Variants in FAM91A1 observed in about 807,000 individuals in gnomAD.
FAM91A1 encodes the protein protein FAM91A1.
In FAM91A1, 41 loss-of-function variants were observed where a neutral mutation model predicts 113.5. The observed-to-expected ratio is 0.36, with a 90% CI of 0.28 to 0.47. FAM91A1 has a LOEUF of 0.47. Among genes scored for constraint, FAM91A1 ranks in the 20% least tolerant of loss-of-function variants. The pLI is 1.00. For missense variants in FAM91A1, 696 were observed against 1,001.2 expected, an observed-to-expected ratio of 0.70 and a Z score of 4.11; for synonymous variants, 307 against 347.9, an observed-to-expected ratio of 0.88 and a Z score of 1.31.
At position 123,793,493 on chromosome 8, in the gene FAM91A1, A is replaced by G. The variant is rs115876967; in HGVS notation, c.1411+3748A>G. 3.8e-3 allele frequency among the ~76,000 whole-genome samples: 584 copies of G among 152,292 alleles called. 5 individuals carry two copies. Among genetic ancestry groups the G allele is most frequent in the Middle Eastern group, 0.034 (10 of 294 alleles). ...ATTCTTATCTTTTCAGTAGTCTGCG[A>G]TTAGTCATTATTGTCTCTCAATTAT... On this transcript the variant is annotated intron_variant, in intron 15 of 23. Coordinates refer to ENST00000334705, the MANE Select transcript of FAM91A1 (RefSeq NM_144963.4).
Position 123,798,231 on chromosome 8 carries a change from C to T in FAM91A1, c.1553C>T (p.Thr518Ile), listed in dbSNP as rs867072953. The stretch of plus-strand genomic sequence containing the variant: ...GAAATCCGGCCTGTCAGCAGCTGCA[C>T]CCCTCAGGTAAAGACCTACTTGGAA... ...TNEIRPVSSCTPQHIGPAIPE... is the reference protein window; with the variant it reads ...TNEIRPVSSCIPQHIGPAIPE... The change falls in exon 16 of 24, where the codon ACC (threonine) becomes ATC (isoleucine). Residue 518 changes from threonine (T) to isoleucine (I), a missense_variant. Transcript: ENST00000334705. 2 of 1,613,792 alleles carry T rather than the reference C, an allele frequency of 1.2e-6. No homozygotes were observed. Among genetic ancestry groups the T allele is most frequent in the Non-Finnish European group, 1.7e-6 (2 of 1,179,868 alleles).
chr8:123,805,486 G>GT (rs1464049357), intron 19 of FAM91A1, 147 bp downstream of exon 19: 1 of 668,096 alleles, frequency 1.5e-6, no homozygotes, highest in Non-Finnish European at 2.5e-6. Context: ...GCAAAAGGTA[G>GT]TTTTTTGTCA....
At chr8:123,778,884 G>T (rs1332072568) in intron 6 of FAM91A1, 112 bp downstream of exon 6, 1 of 724,646 alleles carries the variant, frequency 1.4e-6, no homozygotes, top group African/African-American at 1.9e-5. Context: ...TGAAGAAAAG[G>T]AAACTTAAAT....
Position 123,775,159 on chromosome 8 carries a change from A to G in FAM91A1, c.170A>G (p.Lys57Arg). Residue 57 changes from lysine (K) to arginine (R), a missense_variant, in exon 3 of 24, where the codon AAG becomes AGG. Transcript: ENST00000334705. ...CTCTTTTGTGCAGTTAAACATGTCA[A>G]GAAAGATGAACGCAGATACTATGAG... ...RYRNNLVKHV[K>R]KDERRYYEEL... 2 of 1,606,408 alleles carry G rather than the reference A, an allele frequency of 1.2e-6. No homozygotes were observed. Among genetic ancestry groups the G allele is most frequent in the East Asian group, 2.2e-5 (1 of 44,746 alleles).
chr8:123,785,045 A>G, intron 9 of FAM91A1, 36 bp from the exon 10 acceptor site: 1 of 1,509,852 alleles, frequency 6.6e-7, no homozygotes, highest in Non-Finnish European at 9.0e-7. Flanking sequence ...TGTTAATTCT[A>G]AGAATGTAAA....
intron 1 of FAM91A1, among the ~76,000 whole-genome samples, chr8:123,770,218 T>C (rs1480006022): frequency 2.0e-5 from 3 of 152,226 alleles, no homozygotes; most frequent in Non-Finnish European, 2.9e-5. Flanking sequence ...TCCAAAGTGC[T>C]GGGATTACAG....
At chr8:123,771,155 G>A (rs1415496022) in intron 1 of FAM91A1, among the ~76,000 whole-genome samples, 2 of 152,166 alleles carry the variant, frequency 1.3e-5, no homozygotes, top group African/African-American at 4.8e-5. Context: ...ATCTGTGGTG[G>A]TTGCCCCTAG....
chr8:123,804,119 G>A (rs927489793), intron 18 of FAM91A1, among the ~76,000 whole-genome samples: 1 of 152,138 alleles, frequency 6.6e-6, no homozygotes, highest in Non-Finnish European at 1.5e-5. Flanking sequence ...AGTGAAGTGG[G>A]TAGACTCAGA....
chr8:123,792,903 T>G (rs1266892243), intron 15 of FAM91A1, among the ~76,000 whole-genome samples: 1 of 152,188 alleles, frequency 6.6e-6, no homozygotes, highest in African/African-American at 2.4e-5. Flanking sequence ...TTTCTTTGCC[T>G]CATAAGCAGT....
chr8:123,802,328 T>G (rs1310362717), intron 18 of FAM91A1, among the ~76,000 whole-genome samples: 1 of 152,168 alleles, frequency 6.6e-6, no homozygotes, highest in Non-Finnish European at 1.5e-5. Flanking sequence ...TGATCAGATA[T>G]CTGAGAGAGA....
chr8:123,769,907 T>A (rs1046316188), intron 1 of FAM91A1, among the ~76,000 whole-genome samples: 55 of 152,270 alleles, frequency 3.6e-4, no homozygotes, highest in Admixed American at 1.3e-3. Context: ...TTTGGGAAGT[T>A]TGGAATGGTG....
At chr8:123,784,410 T>C in intron 8 of FAM91A1, 60 bp from the exon 9 acceptor site, 1 of 1,272,990 alleles carries the variant, frequency 7.9e-7, no homozygotes, top group South Asian at 1.4e-5. Context: ...ATATGTAAAT[T>C]ATACTTTCTT....
At chr8:123,788,258 C>T (rs567394895) in intron 14 of FAM91A1, 1 of 983,698 alleles carries the variant, frequency 1.0e-6, no homozygotes, top group East Asian at 1.1e-4. Flanking sequence ...GTGAGTACAG[C>T]CCTAGTTTTC....
intron 11 of FAM91A1, 28 bp from the exon 12 acceptor site, chr8:123,786,467 A>T: frequency 1.3e-6 from 2 of 1,495,524 alleles, no homozygotes; most frequent in Non-Finnish European, 1.9e-6. Context: ...TATGATTTTT[A>T]AAAAGCAAAT....
chr8:123,799,196 C>A (rs1169847549), intron 16 of FAM91A1, among the ~76,000 whole-genome samples: 1 of 152,140 alleles, frequency 6.6e-6, no homozygotes, highest in African/African-American at 2.4e-5. Flanking sequence ...GAGGTAGATT[C>A]TTTATTGCTA....
intron 9 of FAM91A1, 31 bp downstream of exon 9, chr8:123,784,607 A>G (rs1815206331): frequency 2.7e-6 from 4 of 1,478,816 alleles, no homozygotes; most frequent in African/African-American, 2.8e-5. Context: ...TGAAAATATA[A>G]TCTCAAGATT....
intron 8 of FAM91A1, among the ~76,000 whole-genome samples, chr8:123,782,511 A>AATAAATTTATT (rs2130073504): frequency 6.6e-6 from 1 of 152,330 alleles, no homozygotes; most frequent in Admixed American, 6.5e-5. Flanking sequence ...TCTATTATTA[A>AATAAATTTATT]ATAAATTTAT....
chr8:123,798,213 G>T lies in FAM91A1; in HGVS notation c.1535G>T (p.Arg512Leu). ...VSMAPLTNEI[R>L]PVSSCTPQHI... Reference sequence around the variant, plus strand: ...ATGGCTCCCCTCACCAATGAAATCCGGCCTGTCAGCAGCTGCACCCCTCAG... The same window carrying T: ...ATGGCTCCCCTCACCAATGAAATCCTGCCTGTCAGCAGCTGCACCCCTCAG... Residue 512 changes from arginine to leucine, a missense_variant, in exon 16 of 24, where the codon CGG (arginine) becomes CTG (leucine). Coordinates refer to ENST00000334705, the MANE Select transcript of FAM91A1 (RefSeq NM_144963.4). 2 of 1,613,880 alleles carry T rather than the reference G, an allele frequency of 1.2e-6. No individual in the cohort carries two copies. The highest frequency in any genetic ancestry group is 2.2e-5 in the East Asian group (1 of 44,850).
At chr8:123,769,069 C>T (rs1463880596) in intron 1 of FAM91A1, among the ~76,000 whole-genome samples, 1 of 152,158 alleles carries the variant, frequency 6.6e-6, no homozygotes, top group East Asian at 1.9e-4. Context: ...ATTTTAAACA[C>T]GGTCCTTGAC....
Sources: gnomAD v4.1 joint callset for allele counts (sites outside exome capture counted in the v4.1 genomes callset) on GRCh38, gnomAD v4.1.1 for gene constraint, MANE v1.5 for transcripts, NCBI Gene and HGNC (gene_info 2026-07-23, HGNC 2026-07-21) for gene names.